Variants in COL19A1 observed in about 807,000 individuals in gnomAD.
The protein encoded by COL19A1 is collagen type XIX alpha 1 chain, also known as collagen alpha-1(XIX) chain.
In COL19A1, 159 loss-of-function variants were observed where a neutral mutation model predicts 190.2. The ratio of observed to expected loss-of-function variants is 0.84; its 90% confidence interval spans 0.73 to 0.95. The LOEUF is 0.95. Among genes scored for constraint, COL19A1 ranks in the 40% least tolerant of loss-of-function variants. The pLI is 0.00. For missense variants in COL19A1, 1,418 were observed against 1,431.9 expected (o/e 0.99, Z 0.16); for synonymous variants, 509 against 458.9 (o/e 1.11, Z -1.39).
intron 11 of COL19A1, among the ~76,000 whole-genome samples, chr6:70,017,940 G>A (rs1217257479): frequency 6.6e-6 from 1 of 152,114 alleles, no homozygotes. Flanking sequence ...ATGCAAACAG[G>A]AGTATTGGGA....
At chr6:69,958,443 A>G (rs1482173799) in intron 9 of COL19A1, among the ~76,000 whole-genome samples, 1 of 152,206 alleles carries the variant, frequency 6.6e-6, no homozygotes, top group East Asian at 1.9e-4. Flanking sequence ...GTTTCCTGGC[A>G]CCAAATACTT....
intron 16 of COL19A1, among the ~76,000 whole-genome samples, chr6:70,114,084 C>G (rs1192479001): frequency 6.6e-6 from 1 of 152,036 alleles, no homozygotes. Flanking sequence ...CTCCTGAGCT[C>G]AAGCAATCTG....
intron 16 of COL19A1, among the ~76,000 whole-genome samples, chr6:70,112,751 C>T (rs958353269): frequency 1.3e-5 from 2 of 152,218 alleles, no homozygotes; most frequent in Non-Finnish European, 2.9e-5. Flanking sequence ...CCTCCCACTT[C>T]TGTTCCAAAA....
At chr6:69,926,835 A>G (rs1772430251) in intron 4 of COL19A1, among the ~76,000 whole-genome samples, 1 of 152,132 alleles carries the variant, frequency 6.6e-6, no homozygotes, top group Non-Finnish European at 1.5e-5. Context: ...CCAAACTGCC[A>G]AAAGTCAAAG....
intron 4 of COL19A1, among the ~76,000 whole-genome samples, chr6:69,911,275 A>G (rs1020887882): frequency 6.6e-6 from 1 of 152,232 alleles, no homozygotes; most frequent in African/African-American, 2.4e-5. Context: ...ATTAGAAAAT[A>G]AACATGGTAG....
At chr6:70,050,886 T>C (rs567263747) in intron 14 of COL19A1, among the ~76,000 whole-genome samples, 2 of 152,270 alleles carry the variant, frequency 1.3e-5, no homozygotes, top group Admixed American at 1.3e-4. Flanking sequence ...AAGCTTTATA[T>C]AGCTTAATCC....
intron 19 of COL19A1, among the ~76,000 whole-genome samples, chr6:70,140,642 C>T (rs1326775692): frequency 1.3e-5 from 2 of 151,938 alleles, no homozygotes; most frequent in Admixed American, 6.6e-5. Context: ...TGTGTGTGAT[C>T]GTTTTCTATG....
At chr6:70,038,347 C>T (rs1054419501) in intron 14 of COL19A1, among the ~76,000 whole-genome samples, 2 of 152,176 alleles carry the variant, frequency 1.3e-5, no homozygotes, top group Non-Finnish European at 2.9e-5. Flanking sequence ...TTTAAAAGCT[C>T]CCCGAGTGGA....
chr6:70,145,287 T>A (rs904200231), intron 25 of COL19A1, among the ~76,000 whole-genome samples: 1 of 152,116 alleles, frequency 6.6e-6, no homozygotes, highest in African/African-American at 2.4e-5. Context: ...CATGCCCATC[T>A]ACAATAGACT....
chr6:69,923,049 T>C (rs777315570), intron 4 of COL19A1, among the ~76,000 whole-genome samples: 12 of 152,156 alleles, frequency 7.9e-5, no homozygotes, highest in Non-Finnish European at 1.5e-4. Context: ...TCTTTTGCTT[T>C]GTAAGAAACC....
chr6:70,046,783 C>T (rs748232720), intron 14 of COL19A1, among the ~76,000 whole-genome samples: 1 of 152,008 alleles, frequency 6.6e-6, no homozygotes, highest in Non-Finnish European at 1.5e-5. Context: ...TAAAATTTAG[C>T]ATTCTAATCA....
intron 1 of COL19A1, among the ~76,000 whole-genome samples, chr6:69,868,200 GA>G (rs543690440): frequency 1.4e-3 from 203 of 142,786 alleles, no homozygotes; most frequent in African/African-American, 1.3e-3. Context: ...AGACTAAAGG[GA>G]AAAAAAAAAA....
chr6:70,025,437 A>C (rs1052227751), intron 12 of COL19A1, among the ~76,000 whole-genome samples: 1 of 152,206 alleles, frequency 6.6e-6, no homozygotes, highest in African/African-American at 2.4e-5. Context: ...TGAAGCATTC[A>C]TTCAGGTTCA....
chr6:70,172,449 T>C (rs148407330), intron 41 of COL19A1, among the ~76,000 whole-genome samples: 1 of 151,480 alleles, frequency 6.6e-6, no homozygotes, highest in South Asian at 2.1e-4. Flanking sequence ...AGTGAGGAGA[T>C]AGTCGTAGGA....
intron 4 of COL19A1, among the ~76,000 whole-genome samples, chr6:69,924,683 C>G (rs1772235616): frequency 6.6e-6 from 1 of 152,206 alleles, no homozygotes; most frequent in South Asian, 2.1e-4. Flanking sequence ...AATGGTTGAA[C>G]TAGTTCACAG....
At chr6:70,178,405 T>G (rs1765949707) in intron 42 of COL19A1, among the ~76,000 whole-genome samples, 1 of 152,026 alleles carries the variant, frequency 6.6e-6, no homozygotes, top group South Asian at 2.1e-4. Context: ...AAGCACTGAC[T>G]GACAATTACA....
At chr6:70,156,536 C>A in intron 33 of COL19A1, 134 bp from the exon 34 acceptor site, 4 of 1,075,090 alleles carry the variant, frequency 3.7e-6, no homozygotes, top group Non-Finnish European at 5.4e-6. Flanking sequence ...AAGTCACTTG[C>A]AAATGTTGCC....
At chr6:69,927,632 T>C (rs1423496866) in intron 4 of COL19A1, among the ~76,000 whole-genome samples, 1 of 152,244 alleles carries the variant, frequency 6.6e-6, no homozygotes, top group Non-Finnish European at 1.5e-5. Flanking sequence ...TTTGTCAGAC[T>C]GCAGTGAATT....
rs1772223764 is a variant in COL19A1 at position 69,924,528 on chromosome 6, G to C, written c.267-3381G>C. Among the ~76,000 whole-genome samples the C allele has an allele frequency of 5.9e-5, 9 of 152,246 alleles. No individual in the cohort carries two copies. The South Asian group carries it at 1.9e-3, about 32-fold the overall frequency. ...TGATGGACACGTGGGTTGGTTCCAA[G>C]TCTTTGCTATTGTGAATAGTGCCGC... On this transcript the variant is annotated intron_variant, in intron 4 of 50. Transcript: ENST00000620364.
Sources: allele counts gnomAD v4.1 joint callset (sites outside exome capture counted in the v4.1 genomes callset), GRCh38; gene constraint gnomAD v4.1.1; transcripts MANE v1.5; gene names NCBI Gene and HGNC (gene_info 2026-07-23, HGNC 2026-07-21).